The following ABCA10 variants were observed in gnomAD, a reference collection of about 807,000 sequenced individuals.
The protein encoded by ABCA10 is ATP-binding cassette sub-family A member 10.
Under a neutral mutation model 187.5 loss-of-function variants are expected in ABCA10, and 169 were observed. The ratio of observed to expected loss-of-function variants is 0.90; its 90% confidence interval spans 0.80 to 1.02. ABCA10 has a LOEUF of 1.02. Ranked by LOEUF, ABCA10 falls within the 50% of genes least tolerant of loss-of-function variation. The pLI is 0.00. For synonymous variants in ABCA10, 574 were observed against 601.8 expected (o/e 0.95, Z 0.68); for missense variants, 1,727 against 1,812.4 (o/e 0.95, Z 0.86).
intron 25 of ABCA10, among the ~76,000 whole-genome samples, chr17:69,172,455 G>A (rs1373071230): frequency 6.6e-6 from 1 of 152,128 alleles, no homozygotes; most frequent in Non-Finnish European, 1.5e-5. Context: ...AGAAGACCTG[G>A]AAGAAGATGG....
At chr17:69,228,393 A>C (rs926734005) in intron 1 of ABCA10, among the ~76,000 whole-genome samples, 188 bp downstream of exon 1, 4 of 151,916 alleles carry the variant, frequency 2.6e-5, no homozygotes, top group Non-Finnish European at 5.9e-5. Flanking sequence ...CATTTATCAC[A>C]CTAAAATGTT....
At position 69,194,459 on chromosome 17, in the gene ABCA10, G is replaced by T; in HGVS notation, c.1271C>A (p.Ala424Glu). The T allele has an allele frequency of 1.2e-6, 2 of 1,612,940 alleles. No individual in the cohort carries two copies. Among genetic ancestry groups the T allele is most frequent in the Non-Finnish European group, 1.7e-6 (2 of 1,179,308 alleles). Residue 424 changes from alanine to glutamate, a missense_variant, in exon 12 of 39, where the codon GCA becomes GAA. Transcript: ENST00000690296. ...ACCAGCTCCATTATGCCCAAGTATT[G>T]CAGTGATCTGTCCTTCATATATGTC... ...FFDIYEGQIT[A>E]ILGHNGAGKS... is the part of the protein sequence containing the mutation.
intron 27 of ABCA10, among the ~76,000 whole-genome samples, chr17:69,158,948 A>G (rs1461232325): frequency 2.0e-5 from 3 of 152,078 alleles, no homozygotes; most frequent in African/African-American, 4.8e-5. Context: ...GTATTCATAA[A>G]TGGCATTGAG....
chr17:69,180,886 T>G (rs1014003048), intron 22 of ABCA10, among the ~76,000 whole-genome samples: 1 of 152,146 alleles, frequency 6.6e-6, no homozygotes, highest in African/African-American at 2.4e-5. Context: ...ATTTCTATAA[T>G]TTTTTCCCTT....
rs367947986 is a variant in ABCA10, at chr17:69,214,703, C to T, written c.1006+1G>A. 1 of 1,491,300 alleles carries T rather than the reference C, an allele frequency of 6.7e-7. No homozygotes were observed. Among genetic ancestry groups the T allele is most frequent in the Non-Finnish European group, 8.9e-7 (1 of 1,124,460 alleles). 92.4% of individuals were successfully genotyped at this position (1,491,300 alleles called of 1,614,324 possible). A position where few individuals can be genotyped will look rare whatever the true frequency, so the allele number is the denominator to read the frequency against. The stretch of plus-strand genomic sequence containing the variant: ...TAACTTTAACCACACTATTAACTTA[C>T]CAGGTAAAACTCGCTCAAAATATAA... On this transcript the variant is annotated splice_donor_variant, in intron 9 of 38. Coordinates refer to ENST00000690296, the MANE Select transcript of ABCA10 (RefSeq NM_001377321.1). LOFTEE classifies it high-confidence loss of function.
intron 9 of ABCA10, among the ~76,000 whole-genome samples, chr17:69,211,092 T>C (rs1262323436): frequency 6.6e-6 from 1 of 150,524 alleles, no homozygotes; most frequent in Non-Finnish European, 1.5e-5. Context: ...GAGCTAAAAG[T>C]GGAACTACCC....
chr17:69,190,643 C>CAA (rs1405342020), intron 17 of ABCA10, among the ~76,000 whole-genome samples, 166 bp from the exon 18 acceptor site: 1 of 152,010 alleles, frequency 6.6e-6, no homozygotes. Context: ...TCTTGTCATT[C>CAA]AAATCAGTTT....
intron 9 of ABCA10, among the ~76,000 whole-genome samples, chr17:69,203,356 T>C (rs2074562609): frequency 6.6e-6 from 1 of 152,204 alleles, no homozygotes; most frequent in Non-Finnish European, 1.5e-5. Flanking sequence ...TTTAAAAACA[T>C]ATCAAAAATC....
intron 27 of ABCA10, among the ~76,000 whole-genome samples, chr17:69,162,846 T>C (rs929227968): frequency 6.7e-6 from 1 of 149,942 alleles, no homozygotes; most frequent in African/African-American, 2.4e-5. Flanking sequence ...TACATATATA[T>C]ATATATATAT....
chr17:69,193,001 T>A, intron 15 of ABCA10, 109 bp downstream of exon 15: 1 of 1,448,756 alleles, frequency 6.9e-7, no homozygotes, highest in Non-Finnish European at 9.2e-7. Flanking sequence ...AATGGGCTTC[T>A]GCAAATAAAC....
At chr17:69,184,937 A>T (rs916270836) in intron 20 of ABCA10, among the ~76,000 whole-genome samples, 1 of 151,608 alleles carries the variant, frequency 6.6e-6, no homozygotes, top group African/African-American at 2.4e-5. Flanking sequence ...ACACACACAC[A>T]CACACACACA....
Position 69,187,719 on chromosome 17 carries a change from G to A in ABCA10, c.2292C>T (p.Phe764=). 6.2e-7 allele frequency: 1 copy of A among 1,613,816 alleles called. No individual in the cohort carries two copies. The highest frequency in any genetic ancestry group is 8.5e-7 in the Non-Finnish European group (1 of 1,179,732). ...CTCTCCTTTCACGCCTTAACTTTAA[G>A]AAGCGAAGTGTTGCCACTGCATAGA... ...RQIYAVATLR[F]LKLRRERRAL... The change falls in exon 19 of 39, where the codon TTC becomes TTT. Residue 764 remains phenylalanine, a synonymous_variant. Transcript: ENST00000690296.
intron 11 of ABCA10, among the ~76,000 whole-genome samples, chr17:69,195,318 C>T (rs2074489853): frequency 6.6e-6 from 1 of 151,710 alleles, no homozygotes; most frequent in African/African-American, 2.4e-5. Flanking sequence ...AAAGTCAGGT[C>T]AAAGATTATA....
chr17:69,173,176 A>C (rs1443241099), intron 25 of ABCA10, among the ~76,000 whole-genome samples: 1 of 152,224 alleles, frequency 6.6e-6, no homozygotes, highest in Non-Finnish European at 1.5e-5. Context: ...ATGGTTAAGA[A>C]GACATTACCC....
At chr17:69,177,078 C>T (rs1207265987) in intron 22 of ABCA10, among the ~76,000 whole-genome samples, 1 of 152,180 alleles carries the variant, frequency 6.6e-6, no homozygotes, top group African/African-American at 2.4e-5. Flanking sequence ...TCTCCATCTA[C>T]TTCTCTGGGT....
chr17:69,191,298 A>G lies in ABCA10; in HGVS notation c.1889T>C (p.Met630Thr). The G allele has an allele frequency of 3.2e-6, 5 of 1,575,996 alleles. No individual in the cohort carries two copies. Among genetic ancestry groups the G allele is most frequent in the Non-Finnish European group, 4.3e-6 (5 of 1,158,656 alleles). Residue 630 changes from methionine (M) to threonine (T), a missense_variant, in exon 17 of 39, where the codon ATG (methionine) becomes ACG (threonine). Met to Thr is a moderately conservative substitution (Grantham distance 81). Transcript: ENST00000690296. ...GGATGTGATTTTTTCTGTGTCACACATTTCATTCCTGTGTAAACTATTATT... is the reference window on the plus strand; with the variant it reads ...GGATGTGATTTTTTCTGTGTCACACGTTTCATTCCTGTGTAAACTATTATT... ...GYHLSLHRNE[M>T]CDTEKITSLI... is the part of the protein sequence containing the mutation.
In ABCA10 at chr17:69,148,754, A is replaced by G; in HGVS notation, c.*73T>C. The G allele has an allele frequency of 8.1e-7, 1 of 1,234,574 alleles. No homozygotes were observed. Among genetic ancestry groups the G allele is most frequent in the African/African-American group, 1.5e-5 (1 of 66,018 alleles). 76.5% of individuals were successfully genotyped at this position (1,234,574 alleles called of 1,614,324 possible). ...TTCTTTTGTTAACTGAAGTAAAAGG[A>G]AACATTCTTGTAGAATTATGGAAAC... On this transcript the variant is annotated 3_prime_UTR_variant, in exon 39 of 39. Transcript: ENST00000690296.
At chr17:69,175,268 C>G in intron 23 of ABCA10, 138 bp downstream of exon 23, 1 of 705,992 alleles carries the variant, frequency 1.4e-6, no homozygotes, top group East Asian at 3.0e-5. Context: ...TTACTATAAT[C>G]TATACTGATA....
At chr17:69,164,342 A>T (rs1598090691) in intron 26 of ABCA10, among the ~76,000 whole-genome samples, 188 bp from the exon 27 acceptor site, 1 of 152,184 alleles carries the variant, frequency 6.6e-6, no homozygotes, top group African/African-American at 2.4e-5. Context: ...TTAGTTATGA[A>T]CTCCAACACT....
Sources: allele counts gnomAD v4.1 joint callset (sites outside exome capture counted in the v4.1 genomes callset), GRCh38; gene constraint gnomAD v4.1.1; transcripts MANE v1.5; gene names NCBI Gene and HGNC (gene_info 2026-07-23, HGNC 2026-07-21).